Variants in IFI16 observed in about 807,000 individuals in gnomAD.
The protein encoded by IFI16 is gamma-interferon-inducible protein 16.
Under a neutral mutation model 68.4 loss-of-function variants are expected in IFI16, and 49 were observed. The observed-to-expected ratio is 0.72, with a 90% CI of 0.57 to 0.91. IFI16 has a LOEUF of 0.91. Ranked by LOEUF, IFI16 falls within the 40% of genes least tolerant of loss-of-function variation. The pLI, the probability that IFI16 is intolerant of heterozygous loss-of-function variation, is 0.00. For synonymous variants in IFI16, 307 were observed against 315.0 expected (o/e 0.97, Z 0.27); for missense variants, 878 against 942.9 (o/e 0.93, Z 0.90).
At chr1:159,021,148 GA>G (rs1223295524) in intron 6 of IFI16, among the ~76,000 whole-genome samples, 1 of 152,134 alleles carries the variant, frequency 6.6e-6, no homozygotes, top group East Asian at 1.9e-4. Flanking sequence ...TTCGTTATAG[GA>G]ATAAGTTCTT....
chr1:159,040,294 C>A (rs1327919048), intron 7 of IFI16, among the ~76,000 whole-genome samples: 4 of 152,064 alleles, frequency 2.6e-5, no homozygotes, highest in African/African-American at 9.7e-5. Context: ...ACTAATAAAA[C>A]TAAATATCAT....
chr1:159,038,281 A>G (rs1469082495), intron 7 of IFI16, among the ~76,000 whole-genome samples: 2 of 152,182 alleles, frequency 1.3e-5, no homozygotes, highest in Non-Finnish European at 2.9e-5. Flanking sequence ...ACGGGCCTAT[A>G]GGGTTGGGTG....
At chr1:159,021,248 C>T (rs1020328250) in intron 6 of IFI16, among the ~76,000 whole-genome samples, 3 of 152,008 alleles carry the variant, frequency 2.0e-5, no homozygotes, top group African/African-American at 4.8e-5. Flanking sequence ...TCCCTCACCC[C>T]CCTCCCACTC....
chr1:159,044,560 AT>A lies in IFI16; in HGVS notation c.1330-736del, dbSNP rs913661973. Among the ~76,000 whole-genome samples, 819 of 152,174 alleles carry A rather than the reference AT, an allele frequency of 5.4e-3. 9 individuals carry two copies. The highest frequency in any genetic ancestry group is 0.018 in the African/African-American group (761 of 41,526). On this transcript the variant is annotated intron_variant, in intron 7 of 11. Transcript: ENST00000295809. ...GTTACTGAATGGGAAAACTGCTAAA[AT>A]AATGTGCCACATTGGCCAAATAGGA... is the stretch of plus-strand genomic sequence containing the variant.
At chr1:159,046,367 C>T (rs1172548007) in intron 8 of IFI16, among the ~76,000 whole-genome samples, 3 of 151,086 alleles carry the variant, frequency 2.0e-5, no homozygotes, top group African/African-American at 7.3e-5. Flanking sequence ...GGAAAATTGG[C>T]CACATTGATG....
intron 4 of IFI16, 44 bp downstream of exon 4, chr1:159,016,744 A>G (rs1286912508): frequency 2.6e-6 from 4 of 1,547,002 alleles, no homozygotes; most frequent in Non-Finnish European, 3.5e-6. Flanking sequence ...TTTTCAACCC[A>G]AAGTAAAGGA....
intron 8 of IFI16, among the ~76,000 whole-genome samples, chr1:159,046,186 T>C (rs1654973022): frequency 6.6e-6 from 1 of 151,326 alleles, no homozygotes; most frequent in East Asian, 1.9e-4. Flanking sequence ...GAATTTACAA[T>C]GAACATAGTA....
chr1:159,045,471 G>A lies in IFI16; in HGVS notation c.1497+7G>A. ...CAGCAGTTTCTTAACCACGGTACAA[G>A]TTCCCTCTTCCCAATACATTCCCCT... On this transcript the variant is annotated splice_region_variant and intron_variant, in intron 8 of 11. Coordinates refer to ENST00000295809, the MANE Select transcript of IFI16 (RefSeq NM_001376587.1). 6.2e-7 allele frequency: 1 copy of A among 1,604,016 alleles called. No homozygotes were observed. Among genetic ancestry groups the A allele is most frequent in the African/African-American group, 1.3e-5 (1 of 74,482 alleles).
upstream of IFI16, among the ~76,000 whole-genome samples, chr1:159,004,676 G>A (rs1466124806): frequency 6.6e-6 from 1 of 152,130 alleles, no homozygotes; most frequent in Non-Finnish European, 1.5e-5. Context: ...TCACAACAGA[G>A]CAAGACTCCG....
chr1:159,006,822 A>C (rs181494788), upstream of IFI16, among the ~76,000 whole-genome samples: 3 of 152,260 alleles, frequency 2.0e-5, no homozygotes, highest in Non-Finnish European at 4.4e-5. Flanking sequence ...CAAGTGCCAA[A>C]AAACAAACAA....
intron 7 of IFI16, among the ~76,000 whole-genome samples, chr1:159,039,738 T>C (rs1654513201): frequency 1.3e-5 from 2 of 152,198 alleles, no homozygotes; most frequent in South Asian, 4.1e-4. Context: ...ATGACTTCAA[T>C]AGAATAAAGT....
intron 7 of IFI16, among the ~76,000 whole-genome samples, chr1:159,043,224 A>G (rs1467340138): frequency 1.3e-5 from 2 of 152,216 alleles, no homozygotes; most frequent in African/African-American, 4.8e-5. Context: ...GGGACTTACC[A>G]TCAAGGCCAC....
intron 6 of IFI16, among the ~76,000 whole-genome samples, chr1:159,027,804 G>A (rs1653765271): frequency 6.6e-6 from 1 of 152,134 alleles, no homozygotes; most frequent in Non-Finnish European, 1.5e-5. Context: ...ACATAAAGAT[G>A]TTCATAGTTG....
intron 6 of IFI16, among the ~76,000 whole-genome samples, chr1:159,024,427 T>G (rs1357990963): frequency 6.6e-6 from 1 of 152,196 alleles, no homozygotes; most frequent in African/African-American, 2.4e-5. Flanking sequence ...AGAGTTACAT[T>G]GATAAGGGCT....
intron 6 of IFI16, 100 bp from the exon 7 acceptor site, chr1:159,032,424 A>T (rs1241190147): frequency 8.9e-6 from 6 of 676,058 alleles, no homozygotes; most frequent in Non-Finnish European, 1.4e-5. Flanking sequence ...AAGTAATGAG[A>T]CCTATTAAAA....
chr1:159,036,122 T>C (rs1654317776), intron 7 of IFI16, among the ~76,000 whole-genome samples: 1 of 152,148 alleles, frequency 6.6e-6, no homozygotes, highest in South Asian at 2.1e-4. Context: ...GCAGAGACAG[T>C]GTAACAACAG....
chr1:159,012,914 G>A (rs1652661752), intron 1 of IFI16, among the ~76,000 whole-genome samples: 1 of 152,092 alleles, frequency 6.6e-6, no homozygotes, highest in African/African-American at 2.4e-5. Flanking sequence ...AATTGATATG[G>A]AACTTTGGAC....
At chr1:159,037,015 A>T (rs944693416) in intron 7 of IFI16, among the ~76,000 whole-genome samples, 8 of 152,210 alleles carry the variant, frequency 5.3e-5, no homozygotes, top group Admixed American at 2.0e-4. Flanking sequence ...GCTACCTATC[A>T]TGACTGTTTG....
intron 1 of IFI16, among the ~76,000 whole-genome samples, chr1:159,011,310 G>C (rs1652543055): frequency 6.6e-6 from 1 of 151,894 alleles, no homozygotes; most frequent in Non-Finnish European, 1.5e-5. Context: ...CTTGAACCAG[G>C]AGGCAGAGGT....
Sources: gnomAD v4.1 joint callset for allele counts (sites outside exome capture counted in the v4.1 genomes callset) on GRCh38, gnomAD v4.1.1 for gene constraint, MANE v1.5 for transcripts, NCBI Gene and HGNC (gene_info 2026-07-23, HGNC 2026-07-21) for gene names.